The following TCF7 variants were observed in gnomAD, a reference collection of about 807,000 sequenced individuals.
The protein encoded by TCF7 is T-cell-factor-7.
In TCF7, 19 loss-of-function variants were observed where a neutral mutation model predicts 46.8. The observed-to-expected ratio is 0.41, with a 90% CI of 0.28 to 0.60. The LOEUF is 0.60. Ranked by LOEUF, TCF7 falls within the 20% of genes least tolerant of loss-of-function variation. The probability of loss-of-function intolerance (pLI) is 0.35; values close to 1 mark genes in which losing one functional copy is unlikely to be tolerated. For synonymous variants in TCF7, 245 were observed against 213.4 expected, an observed-to-expected ratio of 1.15 and a Z score of -1.29; for missense variants, 547 against 504.6, an observed-to-expected ratio of 1.08 and a Z score of -0.81.
intron 9 of TCF7, chr5:134,143,853 C>G (rs535109981): frequency 1.7e-6 from 1 of 579,490 alleles, no homozygotes; most frequent in Admixed American, 3.1e-5. Context: ...GCAGAACTGG[C>G]TTCTGCTGGG....
chr5:134,109,494 G>T, the TCF7 span, among the ~76,000 whole-genome samples: 1 of 152,174 alleles, frequency 6.6e-6, no homozygotes, highest in African/African-American at 2.4e-5. Context: ...ACCTGGCCAG[G>T]TGCGGTGGCT....
chr5:134,135,034 G>A (rs891662072), intron 3 of TCF7, among the ~76,000 whole-genome samples: 4 of 152,200 alleles, frequency 2.6e-5, no homozygotes, highest in African/African-American at 9.6e-5. Flanking sequence ...GCTCACTGCA[G>A]CCTCGATCTC....
intron 3 of TCF7, 162 bp downstream of exon 3, chr5:134,116,195 C>G: frequency 7.1e-7 from 1 of 1,401,356 alleles, no homozygotes. Context: ...AAAAGGAGAA[C>G]TTTGCTGAAG....
intron 3 of TCF7, among the ~76,000 whole-genome samples, chr5:134,129,228 G>GA: frequency 6.6e-6 from 1 of 152,356 alleles, no homozygotes; most frequent in South Asian, 2.1e-4. Context: ...TCTGCAGACT[G>GA]AGACACTCAG....
In TCF7 at chr5:134,144,720, T is replaced by G. The variant is rs539169399; in HGVS notation, c.1075+1080T>G. ...ACTGGCTAACACTGATGTTACCTCT[T>G]CTTTCTGGGCCCTGCTCTGCCCCGC... On this transcript the variant is annotated intron_variant, in intron 9 of 9. Coordinates refer to ENST00000342854, the MANE Select transcript of TCF7 (RefSeq NM_003202.5). 8.8e-6 allele frequency: 10 copies of G among 1,130,922 alleles called. 1 individual carries two copies. Among genetic ancestry groups the G allele is most frequent in the Non-Finnish European group, 1.3e-5 (10 of 743,198 alleles). The allele number at this position is 1,130,922 out of a possible 1,614,324, so 70.1% of individuals were successfully genotyped here.
chr5:134,110,484 G>C (rs564410044), upstream of TCF7, among the ~76,000 whole-genome samples: 421 of 152,292 alleles, frequency 2.8e-3, 18 homozygotes, highest in South Asian at 0.082. Flanking sequence ...GCACACACAT[G>C]GACACACACG....
At chr5:134,124,986 C>T (rs989642926) in intron 3 of TCF7, among the ~76,000 whole-genome samples, 3 of 152,228 alleles carry the variant, frequency 2.0e-5, no homozygotes, top group Non-Finnish European at 2.9e-5. Context: ...TGTGACCTCA[C>T]GCAAATCTGT....
intron 9 of TCF7, 146 bp from the exon 10 acceptor site, chr5:134,146,078 G>T: frequency 6.3e-7 from 1 of 1,588,526 alleles, no homozygotes; most frequent in South Asian, 1.1e-5. Context: ...CAGAATGGCA[G>T]TCTGAGGACA....
chr5:134,136,901 C>A (rs1758943743), intron 3 of TCF7, among the ~76,000 whole-genome samples: 1 of 152,214 alleles, frequency 6.6e-6, no homozygotes, highest in South Asian at 2.1e-4. Context: ...ATCACTCATC[C>A]ATGCTCCCAG....
chr5:134,121,746 C>T (rs1465430994), intron 3 of TCF7, among the ~76,000 whole-genome samples: 2 of 152,218 alleles, frequency 1.3e-5, no homozygotes, highest in Non-Finnish European at 2.9e-5. Context: ...GGGCTGCCTT[C>T]TTTCCCAGTG....
intron 3 of TCF7, 193 bp downstream of exon 3, chr5:134,116,226 G>A (rs1298562143): frequency 7.9e-7 from 1 of 1,273,870 alleles, no homozygotes; most frequent in East Asian, 2.8e-5. Flanking sequence ...CCGCCCTGGG[G>A]CACCCCCCTG....
chr5:134,126,553 C>T (rs573811385), intron 3 of TCF7, among the ~76,000 whole-genome samples: 1 of 152,356 alleles, frequency 6.6e-6, no homozygotes, highest in South Asian at 2.1e-4. Context: ...GTTCATGTGT[C>T]AAGCACTTCC....
At position 134,114,986 on chromosome 5, in the gene TCF7, A is replaced by T; in HGVS notation, c.80A>T (p.Gln27Leu). The T allele has an allele frequency of 8.2e-7, 1 of 1,218,718 alleles. No individual in the cohort carries two copies. The allele number at this position is 1,218,718 out of a possible 1,614,324, so 75.5% of individuals were successfully genotyped here. ...GCGCCGGACGAGCTGCTGGCCTTCC[A>T]GGATGAAGGCGAGGAGCAGGACGAC... ...LGAPDELLAF[Q>L]DEGEEQDDKS... is the part of the protein sequence containing the mutation. Residue 27 changes from glutamine (Q) to leucine (L), a missense_variant, in exon 1 of 10, where the codon CAG becomes CTG. Around this residue, in one of 3 missense-constraint regions of TCF7, gnomAD observed 425 missense variants for 349.9 expected, o/e 1.21. Transcript: ENST00000342854.
intron 3 of TCF7, among the ~76,000 whole-genome samples, chr5:134,122,044 G>C (rs991227496): frequency 1.3e-5 from 2 of 152,146 alleles, no homozygotes; most frequent in African/African-American, 4.8e-5. Context: ...GGAAGGCTGC[G>C]TAGTATTGGC....
chr5:134,134,660 A>C (rs1024314100), intron 3 of TCF7, among the ~76,000 whole-genome samples: 1 of 152,170 alleles, frequency 6.6e-6, no homozygotes, highest in Non-Finnish European at 1.5e-5. Context: ...TCTGTGACCA[A>C]TGAGGTGAGT....
intron 9 of TCF7, chr5:134,145,056 G>A: frequency 1.6e-6 from 1 of 643,204 alleles, no homozygotes; most frequent in South Asian, 1.7e-5. Context: ...AAGACCACTT[G>A]GGTCTAAGTG....
At chr5:134,121,454 C>T (rs1381475856) in intron 3 of TCF7, among the ~76,000 whole-genome samples, 1 of 151,936 alleles carries the variant, frequency 6.6e-6, no homozygotes, top group African/African-American at 2.4e-5. Flanking sequence ...CATGGTGGCA[C>T]ACGCCTGTAA....
At chr5:134,120,024 G>A (rs1396427927) in intron 3 of TCF7, among the ~76,000 whole-genome samples, 1 of 152,200 alleles carries the variant, frequency 6.6e-6, no homozygotes, top group East Asian at 1.9e-4. Context: ...GAGACCTGAA[G>A]CAGAGCTGGC....
At chr5:134,128,226 C>T (rs1484133314) in intron 3 of TCF7, among the ~76,000 whole-genome samples, 5 of 152,216 alleles carry the variant, frequency 3.3e-5, no homozygotes, top group South Asian at 2.1e-4. Flanking sequence ...GCCCTGTTTG[C>T]GTCATGCTAC....
Sources: allele counts gnomAD v4.1 joint callset (sites outside exome capture counted in the v4.1 genomes callset), GRCh38; gene constraint gnomAD v4.1.1; regional missense constraint gnomAD v4.1.1; transcripts MANE v1.5; gene names NCBI Gene and HGNC (gene_info 2026-07-23, HGNC 2026-07-21).